Variants in CLEC12A observed in about 807,000 individuals in gnomAD.
CLEC12A encodes C-type lectin domain family 12 member A, also known as C-type lectin protein CLL-1.
In CLEC12A, 22 loss-of-function variants were observed where a neutral mutation model predicts 26.5. That is an observed-to-expected ratio of 0.83 (90% CI 0.59 to 1.19). The LOEUF is 1.19. Among genes scored for constraint, CLEC12A ranks in the 50% most tolerant of loss-of-function variants. The probability of loss-of-function intolerance (pLI) is 0.00; values close to 1 mark genes in which losing one functional copy is unlikely to be tolerated. For synonymous variants in CLEC12A, 119 were observed against 101.9 expected, an observed-to-expected ratio of 1.17 and a Z score of -1.01; for missense variants, 353 against 315.6, an observed-to-expected ratio of 1.12 and a Z score of -0.90.
intron 1 of CLEC12A, among the ~76,000 whole-genome samples, chr12:9,961,577 C>A (rs1863829793): frequency 6.6e-6 from 1 of 151,998 alleles, no homozygotes; most frequent in Non-Finnish European, 1.5e-5. Flanking sequence ...TATAAAACAA[C>A]TGAGAAGGCA....
At chr12:9,980,294 T>C (rs1414840535) in intron 3 of CLEC12A, among the ~76,000 whole-genome samples, 2 of 146,528 alleles carry the variant, frequency 1.4e-5, no homozygotes, top group South Asian at 2.2e-4. Flanking sequence ...CCCTTCGATG[T>C]AAAAAAAAAA....
At chr12:10,002,661 C>A in the CLEC12A span, among the ~76,000 whole-genome samples, 21 of 151,986 alleles carry the variant, frequency 1.4e-4, no homozygotes, top group African/African-American at 4.1e-4. Context: ...CCAGGATGAT[C>A]TCGATCTCCT....
At chr12:9,962,399 C>A (rs1863848489) in intron 1 of CLEC12A, among the ~76,000 whole-genome samples, 1 of 151,954 alleles carries the variant, frequency 6.6e-6, no homozygotes. Flanking sequence ...CTTTTCTTCA[C>A]CTGTCTTCAT....
the CLEC12A span, among the ~76,000 whole-genome samples, chr12:10,002,837 A>G: frequency 6.6e-6 from 1 of 152,230 alleles, no homozygotes; most frequent in Non-Finnish European, 1.5e-5. Context: ...AGTCTTTCAT[A>G]GACTCCATTA....
rs479499 is a variant in CLEC12A, at chr12:9,984,958, A to C, written c.730A>C (p.Lys244Gln). ...TCAATATTATCACTGCACTTATAAA[A>C]AAAGAATGATATGTGAGAAGATGGC... ...YVQYYHCTYK[K>Q]RMICEKMANP... is the part of the protein sequence containing the mutation. The change falls in exon 6 of 6, where the codon AAA (lysine) becomes CAA (glutamine). Residue 244 changes from lysine to glutamine, a missense_variant. Coordinates refer to ENST00000304361, the MANE Select transcript of CLEC12A (RefSeq NM_138337.6). 1,023,461 of 1,560,190 alleles carry C rather than the reference A, an allele frequency of 0.66. 339,597 individuals are homozygous for C. Among genetic ancestry groups the C allele is most frequent in the East Asian group, 0.89 (37,934 of 42,646 alleles).
intron 1 of CLEC12A, chr12:9,953,444 C>T (rs1266929928): frequency 4.9e-5 from 6 of 121,584 alleles, no homozygotes; most frequent in African/African-American, 1.4e-4. Context: ...CCGCCCCGTC[C>T]GGGAGGGAGG....
chr12:9,961,559 A>G (rs1387024656), intron 1 of CLEC12A, among the ~76,000 whole-genome samples: 1 of 152,206 alleles, frequency 6.6e-6, no homozygotes, highest in Non-Finnish European at 1.5e-5. Flanking sequence ...TAAAATTTAG[A>G]TAAAATGTAT....
rs1354719854 is a variant in CLEC12A, at chr12:9,985,563, A to G, written c.*537A>G. ...ATTACCTCTTAAAATTATTATTTTA[A>G]GTAAAAGCCAATAAACAAAAACGAA... is the stretch of plus-strand genomic sequence containing the variant. On this transcript the variant is annotated 3_prime_UTR_variant, in exon 6 of 6. Coordinates refer to ENST00000304361, the MANE Select transcript of CLEC12A (RefSeq NM_138337.6). 5.0e-6 allele frequency: 2 copies of G among 398,402 alleles called. No homozygotes were observed. Among genetic ancestry groups the G allele is most frequent in the African/African-American group, 4.1e-5 (2 of 48,624 alleles). 24.7% of individuals were successfully genotyped at this position (398,402 alleles called of 1,614,324 possible).
chr12:9,955,855 A>T (rs572773817), intron 1 of CLEC12A, among the ~76,000 whole-genome samples: 2 of 152,352 alleles, frequency 1.3e-5, no homozygotes, highest in Non-Finnish European at 2.9e-5. Context: ...TAAATGATGT[A>T]GACATATCAA....
chr12:9,992,855 C>A (rs1386178401), intron 4 of CLEC12A: 4 of 299,306 alleles, frequency 1.3e-5, no homozygotes, highest in African/African-American at 2.2e-5. Flanking sequence ...ATGTGTATAT[C>A]TGAAGATGCA....
chr12:9,979,180 A>G, intron 2 of CLEC12A, 116 bp downstream of exon 2: 2 of 995,656 alleles, frequency 2.0e-6, no homozygotes, highest in East Asian at 2.5e-5. Context: ...TAGGCCCACA[A>G]GGAGGACTTA....
chr12:9,975,249 G>C (rs1864291550), intron 1 of CLEC12A, among the ~76,000 whole-genome samples: 1 of 152,182 alleles, frequency 6.6e-6, no homozygotes, highest in South Asian at 2.1e-4. Flanking sequence ...TTGGGACTGG[G>C]CAACAGGCAG....
downstream of CLEC12A, chr12:9,997,338 G>A (rs1865079791): frequency 4.7e-6 from 7 of 1,476,374 alleles, no homozygotes; most frequent in Admixed American, 1.1e-4. Context: ...ATGATGCAAA[G>A]GTCTGTCATT....
chr12:9,973,219 G>C (rs1309371172), intron 1 of CLEC12A, among the ~76,000 whole-genome samples: 1 of 152,146 alleles, frequency 6.6e-6, no homozygotes, highest in Non-Finnish European at 1.5e-5. Context: ...CTAGCACTTT[G>C]AGAGGCCAAG....
At chr12:9,961,976 A>C (rs1863836377) in intron 1 of CLEC12A, among the ~76,000 whole-genome samples, 1 of 152,274 alleles carries the variant, frequency 6.6e-6, no homozygotes, top group South Asian at 2.1e-4. Context: ...TAAAGGTGGG[A>C]GAATCCTTCC....
In CLEC12A at chr12:9,978,898, A is replaced by C. The variant is rs370390764; in HGVS notation, c.92-68A>C. 1.1e-5 allele frequency: 12 copies of C among 1,079,918 alleles called. No homozygotes were observed. The South Asian group carries it at 1.4e-4, about 13-fold the overall frequency. The allele number at this position is 1,079,918 out of a possible 1,614,324, so 66.9% of individuals were successfully genotyped here. On this transcript the variant is annotated intron_variant, in intron 1 of 5. Transcript: ENST00000304361. ...TAAAGGTAAAATGAATGAATGAATG[A>C]ATGAGTAAATAATCCAAATGAAAGT...
chr12:9,986,734 C>A (rs1010071780), downstream of CLEC12A, among the ~76,000 whole-genome samples: 1 of 152,086 alleles, frequency 6.6e-6, no homozygotes, highest in Non-Finnish European at 1.5e-5. Flanking sequence ...TCGCTTGAAC[C>A]CGGGAGGCAA....
At chr12:10,002,440 G>GTTTTTTT in the CLEC12A span, among the ~76,000 whole-genome samples, 2 of 40,480 alleles carry the variant, frequency 4.9e-5, no homozygotes, top group African/African-American at 1.0e-4. Context: ...GTTGGGTAAT[G>GTTTTTTT]TTTTTTTTTT....
chr12:9,982,183 T>C lies in CLEC12A; in HGVS notation c.641+54T>C, dbSNP rs1864587787. ...TAGCTGGGTTTGAGTAGAGGTATTT[T>C]CCTTAGGAGCACTGTAGATTCAAAT... On this transcript the variant is annotated intron_variant, in intron 5 of 5. Coordinates refer to ENST00000304361, the MANE Select transcript of CLEC12A (RefSeq NM_138337.6). 3.3e-6 allele frequency: 3 copies of C among 914,796 alleles called. No individual in the cohort carries two copies. The East Asian group carries it at 7.4e-5, about 23-fold the overall frequency. The allele number at this position is 914,796 out of a possible 1,614,324, so 56.7% of individuals were successfully genotyped here.
Sources: allele counts gnomAD v4.1 joint callset (sites outside exome capture counted in the v4.1 genomes callset), GRCh38; gene constraint gnomAD v4.1.1; transcripts MANE v1.5; gene names NCBI Gene and HGNC (gene_info 2026-07-23, HGNC 2026-07-21).